The following MORC1 variants were observed in gnomAD, a reference collection of about 807,000 sequenced individuals.
MORC1 encodes MORC family CW-type zinc finger protein 1.
MORC1 carries 59 observed loss-of-function variants against 134.9 expected under a neutral mutation model. The observed-to-expected ratio is 0.44, with a 90% CI of 0.35 to 0.54. The LOEUF is 0.54. Ranked by LOEUF, MORC1 falls within the 20% of genes least tolerant of loss-of-function variation. MORC1 has a pLI of 0.00. For synonymous variants in MORC1, 395 were observed against 391.7 expected, an observed-to-expected ratio of 1.01 and a Z score of -0.10; for missense variants, 947 against 1,134.5, an observed-to-expected ratio of 0.83 and a Z score of 2.37.
At chr3:108,981,813 A>C (rs952076630) in intron 23 of MORC1, among the ~76,000 whole-genome samples, 1 of 152,190 alleles carries the variant, frequency 6.6e-6, no homozygotes, top group Non-Finnish European at 1.5e-5. Context: ...CTAGAAGAAA[A>C]CCTAGGCAAT....
At chr3:109,038,288 T>G (rs964677724) in intron 14 of MORC1, among the ~76,000 whole-genome samples, 1 of 16,274 alleles carries the variant, frequency 6.1e-5, no homozygotes, top group Non-Finnish European at 5.0e-4. Context: ...GTTGATGGGG[T>G]TTTTTTTTTT....
intron 15 of MORC1, among the ~76,000 whole-genome samples, chr3:109,034,657 C>A (rs1478336991): frequency 6.6e-6 from 1 of 152,086 alleles, no homozygotes; most frequent in African/African-American, 2.4e-5. Context: ...CTTTCTATTA[C>A]TATTTCACAA....
chr3:109,086,334 T>C (rs759265483), intron 8 of MORC1, among the ~76,000 whole-genome samples: 156 of 152,080 alleles, frequency 1.0e-3, no homozygotes, highest in Non-Finnish European at 1.1e-3. Flanking sequence ...ATGTATCATA[T>C]ACCCTGAAAA....
At chr3:109,083,338 A>C (rs1400129794) in intron 8 of MORC1, among the ~76,000 whole-genome samples, 1 of 152,088 alleles carries the variant, frequency 6.6e-6, no homozygotes, top group African/African-American at 2.4e-5. Flanking sequence ...TTCGAGATAC[A>C]AGATCCACTG....
At chr3:109,035,045 G>A (rs921375736) in intron 15 of MORC1, among the ~76,000 whole-genome samples, 9 of 152,026 alleles carry the variant, frequency 5.9e-5, no homozygotes, top group African/African-American at 2.2e-4. Context: ...CACCATGCCT[G>A]GCCTGAAACT....
chr3:109,005,591 T>G (rs1018350659), intron 18 of MORC1, among the ~76,000 whole-genome samples: 1 of 152,146 alleles, frequency 6.6e-6, no homozygotes, highest in African/African-American at 2.4e-5. Flanking sequence ...ATTCTGACTT[T>G]CCCCCAATAG....
chr3:109,106,853 G>A (rs1389366146), intron 3 of MORC1, among the ~76,000 whole-genome samples: 3 of 152,098 alleles, frequency 2.0e-5, no homozygotes, highest in Admixed American at 6.5e-5. Context: ...TCCATCAGTC[G>A]TGCATTTCAC....
chr3:109,018,122 G>T (rs1255169669), intron 17 of MORC1, among the ~76,000 whole-genome samples: 2 of 151,960 alleles, frequency 1.3e-5, no homozygotes, highest in Non-Finnish European at 2.9e-5. Context: ...TTGTGACATT[G>T]TTTTCAAACA....
rs1161645468 is a variant in MORC1, at chr3:109,069,623, A to G, written c.815+9T>C. The G allele has an allele frequency of 6.4e-7, 1 of 1,557,850 alleles. No homozygotes were observed. Among genetic ancestry groups the G allele is most frequent in the Non-Finnish European group, 8.7e-7 (1 of 1,147,200 alleles). ...ACTCTGTGAAGATAACTGAAGAAAG[A>G]TGAGTTACCTGGGTCTGTAGAGGCA... is the stretch of plus-strand genomic sequence containing the variant. On this transcript the variant is annotated intron_variant, in intron 9 of 27. Transcript: ENST00000232603.
intron 1 of MORC1, among the ~76,000 whole-genome samples, chr3:109,115,451 T>TA (rs1235583546): frequency 6.1e-5 from 3 of 49,144 alleles, no homozygotes; most frequent in Non-Finnish European, 1.0e-4. Context: ...ATTTTGTAAT[T>TA]AAGAAAAAAA....
chr3:109,069,305 G>A (rs1950265496), intron 9 of MORC1, among the ~76,000 whole-genome samples: 1 of 152,124 alleles, frequency 6.6e-6, no homozygotes, highest in African/African-American at 2.4e-5. Flanking sequence ...CAAATGTATT[G>A]TGTAAACAGA....
chr3:109,070,929 G>C (rs1950302864), intron 8 of MORC1, among the ~76,000 whole-genome samples: 1 of 152,144 alleles, frequency 6.6e-6, no homozygotes, highest in African/African-American at 2.4e-5. Flanking sequence ...AATTTTCCCA[G>C]TATAAATTAC....
chr3:109,059,725 C>G, intron 12 of MORC1, 81 bp downstream of exon 12: 1 of 1,267,894 alleles, frequency 7.9e-7, no homozygotes, highest in Non-Finnish European at 1.1e-6. Context: ...ACAATAACCA[C>G]TAAATCTGCC....
In MORC1 at chr3:108,970,270, CAA is replaced by C. The variant is rs1036218489; in HGVS notation, c.2551-550_2551-549del. On this transcript the variant is annotated intron_variant, in intron 25 of 27. Coordinates refer to ENST00000232603, the MANE Select transcript of MORC1 (RefSeq NM_014429.4). ...ACAAAGAAGATGGGAGGGAGGAAAGCAAAAAAAATAAAAATAAAAATAAATAA... is the reference window on the plus strand; with the variant it reads ...ACAAAGAAGATGGGAGGGAGGAAAGCAAAAAATAAAAATAAAAATAAATAA... 3.3e-5 allele frequency among the ~76,000 whole-genome samples: 5 copies of C among 149,700 alleles called. No homozygotes were observed. In the East Asian group the frequency reaches 9.7e-4, roughly 29 times the overall value.
At chr3:108,991,108 C>T (rs764556177) in intron 21 of MORC1, among the ~76,000 whole-genome samples, 3 of 152,204 alleles carry the variant, frequency 2.0e-5, no homozygotes, top group Non-Finnish European at 4.4e-5. Context: ...CAGGCCAGGA[C>T]ATCTAGGGCC....
chr3:109,037,995 C>G (rs569578687), intron 14 of MORC1, among the ~76,000 whole-genome samples: 236 of 152,286 alleles, frequency 1.5e-3, no homozygotes, highest in Middle Eastern at 3.4e-3. Flanking sequence ...ATTTCTAGCC[C>G]TAGATCCTTG....
chr3:108,978,334 C>T (rs1481791870), intron 24 of MORC1, among the ~76,000 whole-genome samples: 1 of 152,150 alleles, frequency 6.6e-6, no homozygotes, highest in Admixed American at 6.5e-5. Context: ...TTCATTGCTC[C>T]ATCAACAACT....
chr3:109,035,534 A>C (rs1297619520), intron 14 of MORC1, 66 bp from the exon 15 acceptor site: 1 of 1,076,792 alleles, frequency 9.3e-7, no homozygotes, highest in African/African-American at 1.6e-5. Context: ...CAATTGGCAA[A>C]GGGAAGTTTG....
chr3:109,006,741 AT>A (rs1263981167), intron 18 of MORC1, among the ~76,000 whole-genome samples: 1 of 152,210 alleles, frequency 6.6e-6, no homozygotes, highest in Admixed American at 6.5e-5. Flanking sequence ...CAAAAAATAT[AT>A]ATGTATATAT....
Sources: allele counts gnomAD v4.1 joint callset (sites outside exome capture counted in the v4.1 genomes callset), GRCh38; gene constraint gnomAD v4.1.1; transcripts MANE v1.5; gene names NCBI Gene and HGNC (gene_info 2026-07-23, HGNC 2026-07-21).